TBC1D9: variants seen among roughly 807,000 people sequenced by gnomAD.
The protein encoded by TBC1D9 is TBC1 domain family member 9A.
Under a neutral mutation model 132.0 loss-of-function variants are expected in TBC1D9, and 63 were observed. That is an observed-to-expected ratio of 0.48 (90% confidence interval 0.39 to 0.59). The LOEUF is 0.59. TBC1D9 is among the 20% of genes least tolerant of loss of function. The probability of loss-of-function intolerance (pLI) is 0.00; values close to 1 mark genes in which losing one functional copy is unlikely to be tolerated. For synonymous variants in TBC1D9, 610 were observed against 609.9 expected, an observed-to-expected ratio of 1.00 and a Z score of 0.00; for missense variants, 1,261 against 1,592.7, an observed-to-expected ratio of 0.79 and a Z score of 3.54.
chr4:140,631,469 C>A (rs1439999489), intron 16 of TBC1D9, among the ~76,000 whole-genome samples: 1 of 152,128 alleles, frequency 6.6e-6, no homozygotes, highest in Non-Finnish European at 1.5e-5. Flanking sequence ...GATCTGCCTG[C>A]CTCAGCCTGA....
chr4:140,633,239 C>T (rs1423563285), intron 16 of TBC1D9, among the ~76,000 whole-genome samples: 1 of 152,222 alleles, frequency 6.6e-6, no homozygotes, highest in East Asian at 1.9e-4. Flanking sequence ...GTTCTTACCT[C>T]ATTCTGGCAT....
At chr4:140,696,382 A>G (rs887125904) in intron 2 of TBC1D9, among the ~76,000 whole-genome samples, 1 of 141,652 alleles carries the variant, frequency 7.1e-6, no homozygotes, top group Non-Finnish European at 1.5e-5. Context: ...ACTTCAACCC[A>G]GAAGGCAGAG....
chr4:140,658,959 C>T (rs1165469123), intron 11 of TBC1D9, among the ~76,000 whole-genome samples: 1 of 152,066 alleles, frequency 6.6e-6, no homozygotes, highest in East Asian at 1.9e-4. Flanking sequence ...TTTCAATAAT[C>T]AAATTCATGT....
chr4:140,629,510 C>T (rs1204593495), intron 16 of TBC1D9, among the ~76,000 whole-genome samples: 2 of 152,218 alleles, frequency 1.3e-5, no homozygotes, highest in Non-Finnish European at 2.9e-5. Flanking sequence ...TTAAGAACAG[C>T]TGTCCTGTCT....
chr4:140,639,351 C>G lies in TBC1D9; in HGVS notation c.2415G>C (p.Glu805Asp). 1.9e-6 allele frequency: 3 copies of G among 1,612,618 alleles called. No homozygotes were observed. Among genetic ancestry groups the G allele is most frequent in the Non-Finnish European group, 2.5e-6 (3 of 1,179,340 alleles). Residue 805 changes from glutamate (E) to aspartate (D), a missense_variant, in exon 14 of 21, where the codon GAG (glutamate) becomes GAC (aspartate). By Grantham distance (45) the Glu-to-Asp change is conservative (BLOSUM62 2). Coordinates refer to ENST00000442267, the MANE Select transcript of TBC1D9 (RefSeq NM_015130.3). ...KQRLKVIQTLEDTTKRNVVRT... is the reference protein window; with the variant it reads ...KQRLKVIQTLDDTTKRNVVRT... ...TTACCACGTTGCGTTTCGTAGTATC[C>G]TCCAGCGTCTGGATCACTTTCAGTC...
intron 13 of TBC1D9, among the ~76,000 whole-genome samples, chr4:140,656,475 C>T (rs1020776428): frequency 1.3e-5 from 2 of 152,186 alleles, no homozygotes; most frequent in South Asian, 4.1e-4. Flanking sequence ...CCAGCTATCA[C>T]CAGACCCTGG....
chr4:140,642,816 T>C, intron 13 of TBC1D9: 1 of 608,078 alleles, frequency 1.6e-6, no homozygotes. Flanking sequence ...TTCTTCCCCC[T>C]CTTGCGGGCG....
At chr4:140,643,205 G>C in intron 13 of TBC1D9, 2 of 1,398,540 alleles carry the variant, frequency 1.4e-6, no homozygotes, top group South Asian at 1.3e-5. Context: ...GAGCCACCAG[G>C]GCCCGCTCCG....
intron 1 of TBC1D9, among the ~76,000 whole-genome samples, chr4:140,730,674 C>G (rs1332325381): frequency 6.6e-6 from 1 of 152,084 alleles, no homozygotes; most frequent in Non-Finnish European, 1.5e-5. Context: ...TGTAATGAGC[C>G]TAGATCTCAC....
intron 2 of TBC1D9, among the ~76,000 whole-genome samples, chr4:140,695,656 C>T (rs1446466661): frequency 6.6e-6 from 1 of 152,156 alleles, no homozygotes; most frequent in Non-Finnish European, 1.5e-5. Flanking sequence ...ATATAACCAA[C>T]CCTTCTTACT....
At chr4:140,711,547 T>G (rs888657854) in intron 1 of TBC1D9, among the ~76,000 whole-genome samples, 1 of 152,160 alleles carries the variant, frequency 6.6e-6, no homozygotes, top group East Asian at 1.9e-4. Context: ...GTAATTCAAC[T>G]GCCAATAATT....
intron 6 of TBC1D9, among the ~76,000 whole-genome samples, chr4:140,673,057 G>A (rs1737562352): frequency 6.6e-6 from 1 of 152,012 alleles, no homozygotes; most frequent in Admixed American, 6.6e-5. Flanking sequence ...CTACTCAGGT[G>A]GCTGAGGCAG....
chr4:140,645,357 C>G (rs1578822164), intron 13 of TBC1D9: 1 of 489,400 alleles, frequency 2.0e-6, no homozygotes. Context: ...TTCTGCAATG[C>G]CCACAGGCGG....
At chr4:140,687,343 CATATATATATATAT>C (rs200090051) in intron 2 of TBC1D9, among the ~76,000 whole-genome samples, 980 of 37,614 alleles carry the variant, frequency 0.026, 20 homozygotes, top group African/African-American at 0.05. Flanking sequence ...GTGTGTGTGT[CATATATATATATAT>C]ATATATATAT....
Position 140,695,747 on chromosome 4 carries a change from T to C in TBC1D9, c.241+5757A>G, listed in dbSNP as rs906981280. ...GCCAACTGAAGGCCAAGGAAGACAATGGACTGGACTCTCTGCTGCCTCTGG... is the reference window on the plus strand; with the variant it reads ...GCCAACTGAAGGCCAAGGAAGACAACGGACTGGACTCTCTGCTGCCTCTGG... On this transcript the variant is annotated intron_variant, in intron 2 of 20. Transcript: ENST00000442267. 2.0e-5 allele frequency among the ~76,000 whole-genome samples: 3 copies of C among 152,128 alleles called. No homozygotes were observed. In the South Asian group the frequency reaches 6.2e-4, roughly 32 times the overall value.
intron 2 of TBC1D9, among the ~76,000 whole-genome samples, chr4:140,689,124 A>T (rs571254519): frequency 1.3e-5 from 2 of 152,208 alleles, no homozygotes; most frequent in South Asian, 2.1e-4. Context: ...GGCATAATTC[A>T]TCTCTGTTTT....
chr4:140,639,250 G>C (rs1393090118), intron 14 of TBC1D9, 80 bp downstream of exon 14: 24 of 1,473,402 alleles, frequency 1.6e-5, no homozygotes, highest in Admixed American at 1.6e-4. Context: ...TTTCAGTTCT[G>C]TCAGGCAGGA....
chr4:140,680,500 C>A (rs987808808), intron 3 of TBC1D9, among the ~76,000 whole-genome samples: 2 of 152,180 alleles, frequency 1.3e-5, no homozygotes, highest in Non-Finnish European at 2.9e-5. Context: ...TTCACTGTTA[C>A]CCAGTTCCTC....
intron 18 of TBC1D9, among the ~76,000 whole-genome samples, chr4:140,627,062 C>T (rs1278939596): frequency 1.3e-5 from 2 of 152,206 alleles, no homozygotes; most frequent in Non-Finnish European, 2.9e-5. Flanking sequence ...TATAGTTTGC[C>T]AACTTCTGCT....
Sources: allele counts gnomAD v4.1 joint callset (sites outside exome capture counted in the v4.1 genomes callset), GRCh38; gene constraint gnomAD v4.1.1; transcripts MANE v1.5; gene names NCBI Gene and HGNC (gene_info 2026-07-23, HGNC 2026-07-21).